ADCK1: variants seen among roughly 807,000 people sequenced by gnomAD.
ADCK1 encodes aarF domain containing kinase 1, also known as aarF domain-containing protein kinase 1.
ADCK1 carries 41 observed loss-of-function variants against 52.3 expected under a neutral mutation model. The ratio of observed to expected loss-of-function variants is 0.78; its 90% CI spans 0.61 to 1.02. The LOEUF is 1.02. Ranked by LOEUF, ADCK1 falls within the 50% of genes least tolerant of loss-of-function variation. ADCK1 has a pLI of 0.00. For synonymous variants in ADCK1, 250 were observed against 274.6 expected, an observed-to-expected ratio of 0.91 and a Z score of 0.89; for missense variants, 658 against 679.5, an observed-to-expected ratio of 0.97 and a Z score of 0.35.
intron 5 of ADCK1, among the ~76,000 whole-genome samples, chr14:77,888,724 A>G (rs1035355982): frequency 6.6e-6 from 1 of 152,176 alleles, no homozygotes; most frequent in African/African-American, 2.4e-5. Context: ...GGAGACAAAT[A>G]TCTTAGGTTT....
intron 9 of ADCK1, among the ~76,000 whole-genome samples, chr14:77,930,103 G>T (rs543545796): frequency 7.0e-6 from 1 of 143,278 alleles, no homozygotes; most frequent in East Asian, 2.0e-4. Flanking sequence ...TGAAGTTGCT[G>T]AGAGGCTGTT....
intron 4 of ADCK1, among the ~76,000 whole-genome samples, chr14:77,860,755 C>T (rs1395608357): frequency 6.6e-6 from 1 of 152,164 alleles, no homozygotes; most frequent in Non-Finnish European, 1.5e-5. Flanking sequence ...TTGCCTCTTG[C>T]CAAGACTCTT....
At chr14:77,815,199 CTT>C (rs56211176) in intron 1 of ADCK1, among the ~76,000 whole-genome samples, 46,265 of 129,810 alleles carry the variant, frequency 0.36, 7,060 homozygotes, top group East Asian at 0.48. Context: ...TTTGTTTTGT[CTT>C]TTTTTTTTTT....
chr14:77,838,946 A>C (rs970780708), intron 3 of ADCK1, among the ~76,000 whole-genome samples: 4 of 152,192 alleles, frequency 2.6e-5, no homozygotes, highest in Admixed American at 6.5e-5. Flanking sequence ...GGGACTCAAA[A>C]GCACATCCGC....
At chr14:77,805,605 A>G (rs2081207344) in intron 1 of ADCK1, among the ~76,000 whole-genome samples, 2 of 152,056 alleles carry the variant, frequency 1.3e-5, no homozygotes, top group East Asian at 3.9e-4. Context: ...ATATTTGTCA[A>G]CCTCTGTTCT....
intron 4 of ADCK1, among the ~76,000 whole-genome samples, chr14:77,885,872 G>A (rs977775473): frequency 1.3e-5 from 2 of 152,176 alleles, no homozygotes; most frequent in African/African-American, 4.8e-5. Flanking sequence ...GACCTTTAGG[G>A]GCCTCTTTCC....
intron 4 of ADCK1, among the ~76,000 whole-genome samples, chr14:77,880,896 G>A (rs2083007848): frequency 6.6e-6 from 1 of 152,184 alleles, no homozygotes; most frequent in African/African-American, 2.4e-5. Context: ...AATATGTGTT[G>A]ACTGATTGGC....
chr14:77,815,011 C>T (rs978500509), intron 1 of ADCK1, among the ~76,000 whole-genome samples: 4 of 150,802 alleles, frequency 2.7e-5, no homozygotes, highest in Admixed American at 1.3e-4. Flanking sequence ...ATCAGCCTCC[C>T]GAGTAGCTGG....
chr14:77,922,170 C>T (rs1053399952), intron 7 of ADCK1, among the ~76,000 whole-genome samples: 63 of 152,192 alleles, frequency 4.1e-4, no homozygotes, highest in Admixed American at 3.9e-3. Context: ...TTGGTGGCAT[C>T]GAGATGGGGA....
At position 77,900,747 on chromosome 14, in the gene ADCK1, C is replaced by T. The variant is rs113929495; in HGVS notation, c.741+1489C>T. ...AGCTTTCTGCATTCACAGTGTTTCT[C>T]GCAGATGATAGTACACATAAGCACA... On this transcript the variant is annotated intron_variant, in intron 6 of 10. Transcript: ENST00000238561. The T allele has an allele frequency of 3.5e-4, 132 of 378,182 alleles. 1 individual carries two copies. Among genetic ancestry groups the T allele is most frequent in the South Asian group, 1.3e-3 (66 of 50,514 alleles). The allele number at this position is 378,182 out of a possible 1,614,324, so 23.4% of individuals were successfully genotyped here.
chr14:77,873,734 C>T (rs1164657016), intron 4 of ADCK1, among the ~76,000 whole-genome samples: 1 of 152,226 alleles, frequency 6.6e-6, no homozygotes, highest in African/African-American at 2.4e-5. Context: ...ACTCATTCTT[C>T]TCCTTCCTGC....
chr14:77,874,949 C>A (rs1198145706), intron 4 of ADCK1, among the ~76,000 whole-genome samples: 1 of 152,196 alleles, frequency 6.6e-6, no homozygotes, highest in East Asian at 1.9e-4. Flanking sequence ...AATGCAGAGA[C>A]CTCAGGATGG....
Position 77,819,070 on chromosome 14 carries a change from C to T in ADCK1, c.92C>T (p.Pro31Leu), listed in dbSNP as rs1192438045. 1 of 1,614,204 alleles carries T rather than the reference C, an allele frequency of 6.2e-7. No individual in the cohort carries two copies. The highest frequency in any genetic ancestry group is 1.3e-5 in the African/African-American group (1 of 75,046). The part of the protein sequence containing the change: ...IYFYSNKYLD[P>L]NDFGAVRVGR... ...TTCTACAGTAACAAGTACTTGGACCCTAATGACTTTGGCGCTGTCAGGGTG... is the reference window on the plus strand; with the variant it reads ...TTCTACAGTAACAAGTACTTGGACCTTAATGACTTTGGCGCTGTCAGGGTG... The change falls in exon 2 of 11, where the codon CCT becomes CTT. Residue 31 changes from proline (P) to leucine (L), a missense_variant. Coordinates refer to ENST00000238561, the MANE Select transcript of ADCK1 (RefSeq NM_020421.4).
chr14:77,822,885 G>T (rs771737684), intron 3 of ADCK1, among the ~76,000 whole-genome samples: 29 of 152,128 alleles, frequency 1.9e-4, no homozygotes, highest in Non-Finnish European at 3.8e-4. Flanking sequence ...AATTTGCAAG[G>T]TGCTGTGGGA....
chr14:77,924,732 T>A (rs2084148309), intron 8 of ADCK1, 126 bp downstream of exon 8: 4 of 1,303,176 alleles, frequency 3.1e-6, no homozygotes, highest in Non-Finnish European at 4.1e-6. Context: ...CCCTCTCCCT[T>A]GGAGCTGTCA....
intron 3 of ADCK1, among the ~76,000 whole-genome samples, chr14:77,825,275 G>C (rs2081669162): frequency 6.6e-6 from 1 of 152,180 alleles, no homozygotes; most frequent in Non-Finnish European, 1.5e-5. Flanking sequence ...TTCAATGCCA[G>C]CCTGTATCCT....
In ADCK1 at chr14:77,887,074, C is replaced by A; in HGVS notation, c.424-17C>A. 1 of 1,551,530 alleles carries A rather than the reference C, an allele frequency of 6.4e-7. No homozygotes were observed. The highest frequency in any genetic ancestry group is 8.7e-7 in the Non-Finnish European group (1 of 1,149,474). Reference sequence around the variant, plus strand: ...GGGTCATCTTTTTCATTGCTCTGTTCTCTCCACTCCCGACAGATCCATGAT... The same window carrying A: ...GGGTCATCTTTTTCATTGCTCTGTTATCTCCACTCCCGACAGATCCATGAT... On this transcript the variant is annotated splice_polypyrimidine_tract_variant and intron_variant, in intron 4 of 10. Transcript: ENST00000238561.
At chr14:77,896,076 A>C (rs1417021942) in intron 5 of ADCK1, among the ~76,000 whole-genome samples, 1 of 152,226 alleles carries the variant, frequency 6.6e-6, no homozygotes, top group East Asian at 1.9e-4. Flanking sequence ...AATTAATATT[A>C]GTTAATATAA....
At chr14:77,926,870 G>T (rs1424626376) in intron 9 of ADCK1, among the ~76,000 whole-genome samples, 1 of 152,168 alleles carries the variant, frequency 6.6e-6, no homozygotes, top group Non-Finnish European at 1.5e-5. Context: ...CTGGCTCAGG[G>T]TGGGCTCCCT....
Sources: allele counts gnomAD v4.1 joint callset (sites outside exome capture counted in the v4.1 genomes callset), GRCh38; gene constraint gnomAD v4.1.1; transcripts MANE v1.5; gene names NCBI Gene and HGNC (gene_info 2026-07-23, HGNC 2026-07-21).